Variants in ATXN1 observed in about 807,000 individuals in gnomAD.
ATXN1 encodes ataxin 1.
In ATXN1, 8 loss-of-function variants were observed where a neutral mutation model predicts 56.4. The ratio of observed to expected loss-of-function variants is 0.14; its 90% CI spans 0.08 to 0.26. The LOEUF (loss-of-function observed/expected upper bound fraction) is 0.26, where lower values mean the gene tolerates loss of function less well. ATXN1 is among the 10% of genes least tolerant of loss of function. The pLI is 1.00. For synonymous variants in ATXN1, 514 were observed against 494.6 expected, an observed-to-expected ratio of 1.04 and a Z score of -0.52; for missense variants, 987 against 1,106.5, an observed-to-expected ratio of 0.89 and a Z score of 1.53.
chr6:16,712,221 A>C (rs562291251), intron 2 of ATXN1, among the ~76,000 whole-genome samples: 4 of 151,996 alleles, frequency 2.6e-5, no homozygotes, highest in African/African-American at 9.7e-5. Context: ...CTAAATAGAA[A>C]CTAATTTATT....
chr6:16,328,133 G>A lies in ATXN1; in HGVS notation c.178C>T (p.His60Tyr). 1 of 1,585,530 alleles carries A rather than the reference G, an allele frequency of 6.3e-7. No individual in the cohort carries two copies. The highest frequency in any genetic ancestry group is 2.2e-5 in the East Asian group (1 of 44,476). Reference protein sequence around the residue: ...PGGRGHGGGRHGPAGTSVELG... With the variant: ...PGGRGHGGGRYGPAGTSVELG... ...TCCACCGAGGTCCCTGCCGGCCCAT[G>A]CCTCCCGCCCCCGTGGCCCCGGCCA... The change falls in exon 7 of 8, where the codon CAT becomes TAT. Residue 60 changes from histidine to tyrosine, a missense_variant. His to Tyr is a moderately conservative substitution (Grantham distance 83). This residue lies in a region of ATXN1 where 723 missense variants were observed against 791.7 expected (regional missense o/e 0.91). Transcript: ENST00000436367. The surrounding 1 kb of genome is among the most constrained non-coding windows in gnomAD (Gnocchi z 6.2).
intron 6 of ATXN1, among the ~76,000 whole-genome samples, chr6:16,355,281 G>C (rs545701727): frequency 6.6e-6 from 1 of 152,222 alleles, no homozygotes; most frequent in South Asian, 2.1e-4. Flanking sequence ...CTAAAACCAG[G>C]GGCACCTAAA....
intron 6 of ATXN1, among the ~76,000 whole-genome samples, chr6:16,383,544 T>G (rs1414537338): frequency 6.6e-6 from 1 of 152,218 alleles, no homozygotes; most frequent in East Asian, 1.9e-4. Context: ...ACACAATTCT[T>G]AAAATATAAG....
chr6:16,512,113 C>A (rs1020871982), intron 5 of ATXN1, among the ~76,000 whole-genome samples: 1 of 152,074 alleles, frequency 6.6e-6, no homozygotes, highest in East Asian at 1.9e-4. Context: ...GCCTCCCCGC[C>A]TCCATTCAGC....
chr6:16,703,003 A>G (rs1009314607), intron 2 of ATXN1, among the ~76,000 whole-genome samples: 11 of 152,214 alleles, frequency 7.2e-5, no homozygotes, highest in African/African-American at 2.4e-4. Flanking sequence ...AGGAGTATAA[A>G]TCATGCTGCT....
chr6:16,482,043 C>G (rs1392982247), intron 6 of ATXN1, among the ~76,000 whole-genome samples: 1 of 151,910 alleles, frequency 6.6e-6, no homozygotes, highest in Admixed American at 6.6e-5. Context: ...TTGTTCCCTC[C>G]TCACATTTCT....
rs544643689 is a variant in ATXN1, at chr6:16,474,860, A to T, written c.-161+11112T>A. Among the ~76,000 whole-genome samples the T allele has an allele frequency of 3.4e-3, 500 of 148,734 alleles. 3 individuals carry two copies. Among genetic ancestry groups the T allele is most frequent in the African/African-American group, 0.012 (475 of 40,130 alleles). On this transcript the variant is annotated intron_variant, in intron 6 of 7. Transcript: ENST00000436367. Reference sequence around the variant, plus strand: ...TACACACACACACACACACACACACACACACTCTCTCTCTCTTTCTGTAAA... The same window carrying T: ...TACACACACACACACACACACACACTCACACTCTCTCTCTCTTTCTGTAAA...
intron 6 of ATXN1, among the ~76,000 whole-genome samples, chr6:16,431,591 T>C (rs777976447): frequency 5.9e-5 from 9 of 152,220 alleles, no homozygotes; most frequent in Non-Finnish European, 1.3e-4. Flanking sequence ...ATAGTGATGC[T>C]ATCTATTGGG....
At chr6:16,371,888 G>A (rs902990071) in intron 6 of ATXN1, among the ~76,000 whole-genome samples, 17 of 152,018 alleles carry the variant, frequency 1.1e-4, no homozygotes, top group Admixed American at 9.2e-4. Context: ...CCATACAGGT[G>A]TTTTAATTTG....
chr6:16,364,015 G>C (rs143157234), intron 6 of ATXN1, among the ~76,000 whole-genome samples: 2 of 152,182 alleles, frequency 1.3e-5, no homozygotes, highest in Admixed American at 6.5e-5. Flanking sequence ...TATGAGACAA[G>C]GTATTTTGGC....
At chr6:16,731,439 C>CTTT (rs201673319) in intron 2 of ATXN1, among the ~76,000 whole-genome samples, 2 of 84,990 alleles carry the variant, frequency 2.4e-5, no homozygotes, top group East Asian at 3.6e-4. Flanking sequence ...ACGAGAGAGG[C>CTTT]TTTTTTTTTC....
chr6:16,559,152 ACACT>A (rs550772230), intron 4 of ATXN1, among the ~76,000 whole-genome samples: 97 of 152,328 alleles, frequency 6.4e-4, no homozygotes, highest in Non-Finnish European at 1.2e-3. Flanking sequence ...GGAGAAAAGC[ACACT>A]CAAACAGTGC....
intron 4 of ATXN1, 95 bp from the exon 5 acceptor site, chr6:16,522,783 C>G (rs953860459): frequency 6.6e-6 from 1 of 152,216 alleles, no homozygotes; most frequent in Non-Finnish European, 1.5e-5. Context: ...GAAATTCCAG[C>G]CCCTAGCACT....
intron 2 of ATXN1, among the ~76,000 whole-genome samples, chr6:16,671,395 G>A (rs754663017): frequency 5.3e-5 from 8 of 151,598 alleles, no homozygotes; most frequent in Non-Finnish European, 1.2e-4. Flanking sequence ...ATTTTATGCA[G>A]GAGAGGGTAT....
At chr6:16,658,898 G>A (rs1182579739) in intron 2 of ATXN1, among the ~76,000 whole-genome samples, 1 of 152,226 alleles carries the variant, frequency 6.6e-6, no homozygotes, top group Non-Finnish European at 1.5e-5. Flanking sequence ...GTCCCACGGT[G>A]ATCATCAAAG....
At chr6:16,373,433 C>G (rs1274535611) in intron 6 of ATXN1, among the ~76,000 whole-genome samples, 2 of 152,174 alleles carry the variant, frequency 1.3e-5, no homozygotes, top group Non-Finnish European at 2.9e-5. Flanking sequence ...TTTGATCTGT[C>G]CCACACACGT....
chr6:16,711,886 T>G (rs570873557), intron 2 of ATXN1, among the ~76,000 whole-genome samples: 1 of 152,300 alleles, frequency 6.6e-6, no homozygotes, highest in Admixed American at 6.5e-5. Flanking sequence ...TGGCTAGCAT[T>G]TTTTAAATTA....
chr6:16,303,125 G>T lies in ATXN1; in HGVS notation c.*3204C>A, dbSNP rs545260892. 3 of 153,114 alleles carry T rather than the reference G, an allele frequency of 2.0e-5. No homozygotes were observed. The East Asian group carries it at 5.8e-4, about 29-fold the overall frequency. 9.5% of individuals were successfully genotyped at this position (153,114 alleles called of 1,614,324 possible). A position where few individuals can be genotyped will look rare whatever the true frequency, so the allele number is the denominator to read the frequency against. ...TCCAGGCTCAGAGGCAGGGCTCCAA[G>T]TCTCAAGGACACAGACCCCGAGGAG... On this transcript the variant is annotated 3_prime_UTR_variant, in exon 8 of 8. Coordinates refer to ENST00000436367, the MANE Select transcript of ATXN1 (RefSeq NM_001128164.2). The surrounding 1 kb of genome is among the most constrained non-coding windows in gnomAD (Gnocchi z 4.3).
At chr6:16,339,207 C>T (rs1450640372) in intron 6 of ATXN1, among the ~76,000 whole-genome samples, 3 of 152,188 alleles carry the variant, frequency 2.0e-5, no homozygotes, top group Non-Finnish European at 4.4e-5. Flanking sequence ...GAGGCCTAGG[C>T]TGGATCCTGC....
Sources: allele counts gnomAD v4.1 joint callset (sites outside exome capture counted in the v4.1 genomes callset), GRCh38; gene constraint gnomAD v4.1.1; regional missense constraint gnomAD v4.1.1; non-coding constraint Gnocchi (gnomAD v3.1); transcripts MANE v1.5; gene names NCBI Gene and HGNC (gene_info 2026-07-23, HGNC 2026-07-21).